Variants in CDH12 observed in about 807,000 individuals in gnomAD.
The protein encoded by CDH12 is cadherin-12.
Under a neutral mutation model 74.1 loss-of-function variants are expected in CDH12, and 41 were observed. That is an observed-to-expected ratio of 0.55 (90% confidence interval 0.43 to 0.72). The LOEUF (loss-of-function observed/expected upper bound fraction) is 0.72. Ranked by LOEUF, CDH12 falls within the 30% of genes least tolerant of loss-of-function variation. The pLI is 0.00. For synonymous variants in CDH12, 399 were observed against 355.0 expected (o/e 1.12, Z -1.39); for missense variants, 945 against 977.2 (o/e 0.97, Z 0.44).
At chr5:22,279,562 T>C (rs1477322396) in intron 3 of CDH12, among the ~76,000 whole-genome samples, 1 of 152,042 alleles carries the variant, frequency 6.6e-6, no homozygotes, top group Non-Finnish European at 1.5e-5. Flanking sequence ...GTGTGTGATG[T>C]TCCCTTTCCT....
At chr5:22,806,502 G>A (rs1415229793) in intron 1 of CDH12, among the ~76,000 whole-genome samples, 4 of 151,806 alleles carry the variant, frequency 2.6e-5, no homozygotes, top group Non-Finnish European at 4.4e-5. Context: ...ACAGGCGCCC[G>A]CCATCACGCC....
intron 1 of CDH12, among the ~76,000 whole-genome samples, chr5:22,706,057 A>G (rs1005376115): frequency 1.3e-5 from 2 of 152,068 alleles, no homozygotes; most frequent in African/African-American, 4.8e-5. Flanking sequence ...ATGTATTTGC[A>G]CAATTGGTAT....
At chr5:21,826,981 CCATGACCTATAT>C (rs1561218086) in intron 8 of CDH12, among the ~76,000 whole-genome samples, 1 of 152,044 alleles carries the variant, frequency 6.6e-6, no homozygotes, top group Non-Finnish European at 1.5e-5. Flanking sequence ...AGAGCTCCCA[CCATGACCTATAT>C]CAAGCTACTA....
intron 3 of CDH12, among the ~76,000 whole-genome samples, chr5:22,401,004 C>T (rs1384994759): frequency 6.6e-6 from 1 of 152,130 alleles, no homozygotes. Flanking sequence ...AACTTCTATA[C>T]ATTTGAATAT....
chr5:21,966,087 A>T (rs537976060), intron 6 of CDH12, among the ~76,000 whole-genome samples: 2 of 150,624 alleles, frequency 1.3e-5, no homozygotes, highest in South Asian at 4.2e-4. Context: ...GCTGATACAT[A>T]TGTATTAGTG....
At chr5:22,064,855 T>C (rs1409607637) in intron 5 of CDH12, among the ~76,000 whole-genome samples, 2 of 152,052 alleles carry the variant, frequency 1.3e-5, no homozygotes, top group East Asian at 3.9e-4. Flanking sequence ...AGACGTGAGA[T>C]TGTTGGGAAA....
chr5:22,019,536 G>A lies in CDH12; in HGVS notation c.232-44151C>T, dbSNP rs183870216. Among the ~76,000 whole-genome samples, 36 of 152,240 alleles carry A rather than the reference G, an allele frequency of 2.4e-4. No individual in the cohort carries two copies. In the East Asian group the frequency reaches 4.8e-3, roughly 20 times the overall value. ...GCCTTCATGATGGAATACTGTCCTC[G>A]TAAGGAGAGGAAGAGACTAGAGCTC... is the stretch of plus-strand genomic sequence containing the variant. On this transcript the variant is annotated intron_variant, in intron 5 of 14. Transcript: ENST00000382254.
chr5:21,931,495 A>T (rs34290239), intron 6 of CDH12, among the ~76,000 whole-genome samples: 7,360 of 152,318 alleles, frequency 0.048, 236 homozygotes, highest in Middle Eastern at 0.085. Flanking sequence ...ATTCACTAAT[A>T]GCGGTGCTTG....
At chr5:21,903,841 A>G (rs1753511452) in intron 6 of CDH12, among the ~76,000 whole-genome samples, 1 of 152,212 alleles carries the variant, frequency 6.6e-6, no homozygotes, top group Non-Finnish European at 1.5e-5. Context: ...GAGCCAAAAG[A>G]TAAGAAAACT....
At chr5:22,443,114 T>C (rs1744690023) in intron 2 of CDH12, among the ~76,000 whole-genome samples, 1 of 152,154 alleles carries the variant, frequency 6.6e-6, no homozygotes, top group Admixed American at 6.6e-5. Flanking sequence ...GACACATTTC[T>C]AAGTTAGATA....
intron 1 of CDH12, among the ~76,000 whole-genome samples, chr5:22,582,722 A>T (rs1740168014): frequency 6.6e-6 from 1 of 152,210 alleles, no homozygotes; most frequent in African/African-American, 2.4e-5. Context: ...TATGTAACAC[A>T]TTAGGCAAAG....
At chr5:22,437,551 T>TAAATA (rs150865488) in intron 2 of CDH12, among the ~76,000 whole-genome samples, 1 of 148,550 alleles carries the variant, frequency 6.7e-6, no homozygotes, top group Admixed American at 6.8e-5. Context: ...AATTTAAAAA[T>TAAATA]AATAAATAAA....
intron 1 of CDH12, among the ~76,000 whole-genome samples, chr5:22,833,182 T>TA (rs1736692870): frequency 1.3e-5 from 2 of 152,190 alleles, no homozygotes; most frequent in South Asian, 4.1e-4. Context: ...AAACGGAATG[T>TA]AACCAATAGA....
At chr5:22,702,942 C>T (rs1341676188) in intron 1 of CDH12, among the ~76,000 whole-genome samples, 1 of 152,082 alleles carries the variant, frequency 6.6e-6, no homozygotes, top group Admixed American at 6.6e-5. Context: ...AATAAGCAGT[C>T]TTTTTCCTCT....
intron 3 of CDH12, among the ~76,000 whole-genome samples, chr5:22,214,224 C>G (rs1170035739): frequency 6.6e-6 from 1 of 152,086 alleles, no homozygotes; most frequent in Non-Finnish European, 1.5e-5. Flanking sequence ...CGGAGACGGC[C>G]CTGCAGAAGC....
intron 6 of CDH12, among the ~76,000 whole-genome samples, chr5:21,973,242 C>T (rs907875951): frequency 2.6e-5 from 4 of 151,890 alleles, no homozygotes; most frequent in Non-Finnish European, 5.9e-5. Flanking sequence ...AAGCAGTGCA[C>T]TGAAAATCAA....
At chr5:22,747,819 G>A (rs1017720042) in intron 1 of CDH12, among the ~76,000 whole-genome samples, 2 of 152,128 alleles carry the variant, frequency 1.3e-5, no homozygotes, top group African/African-American at 4.8e-5. Flanking sequence ...TTATGAATCT[G>A]AGTATTTTAT....
chr5:22,715,223 A>G (rs1269902833), intron 1 of CDH12, among the ~76,000 whole-genome samples: 1 of 152,154 alleles, frequency 6.6e-6, no homozygotes, highest in Non-Finnish European at 1.5e-5. Flanking sequence ...TTAATTATCC[A>G]TCTCTTTAGT....
chr5:22,000,630 A>G (rs913377151), intron 5 of CDH12, among the ~76,000 whole-genome samples: 26 of 152,250 alleles, frequency 1.7e-4, no homozygotes, highest in African/African-American at 6.3e-4. Flanking sequence ...GAAAGTGTGT[A>G]TTGCTACTGG....
Sources: gnomAD v4.1 joint callset for allele counts (sites outside exome capture counted in the v4.1 genomes callset) on GRCh38, gnomAD v4.1.1 for gene constraint, MANE v1.5 for transcripts, NCBI Gene and HGNC (gene_info 2026-07-23, HGNC 2026-07-21) for gene names.